The following GPR15LG variants were observed in gnomAD, a reference collection of about 807,000 sequenced individuals.
GPR15LG encodes the protein G protein-coupled receptor 15 ligand.
the GPR15LG span, among the ~76,000 whole-genome samples, chr10:84,183,990 A>T: frequency 2.6e-5 from 4 of 152,084 alleles, no homozygotes; most frequent in Non-Finnish European, 5.9e-5. Flanking sequence ...TAGGATATTC[A>T]GATTGTTTCC....
chr10:84,178,081 G>A, the GPR15LG span, among the ~76,000 whole-genome samples: 36 of 145,608 alleles, frequency 2.5e-4, no homozygotes, highest in Admixed American at 1.4e-3. Flanking sequence ...ACACATACAC[G>A]CTACACAACT....
the GPR15LG span, among the ~76,000 whole-genome samples, chr10:84,178,342 CAT>C: frequency 2.1e-4 from 32 of 151,960 alleles, 2 homozygotes; most frequent in South Asian, 5.0e-3. Flanking sequence ...ATCATACACA[CAT>C]AGACACATGC....
chr10:84,180,282 C>T, the GPR15LG span, among the ~76,000 whole-genome samples: 1 of 152,378 alleles, frequency 6.6e-6, no homozygotes, highest in East Asian at 1.9e-4. Flanking sequence ...CTACTTCTTT[C>T]TACACAGACA....
chr10:84,180,033 C>T, the GPR15LG span, among the ~76,000 whole-genome samples: 6 of 150,820 alleles, frequency 4.0e-5, no homozygotes, highest in African/African-American at 1.2e-4. Context: ...TGCCACCTTC[C>T]GCAGTGTTTG....
chr10:84,178,283 C>T, the GPR15LG span, among the ~76,000 whole-genome samples: 3 of 151,638 alleles, frequency 2.0e-5, no homozygotes, highest in Non-Finnish European at 4.4e-5. Context: ...CACAAACAGA[C>T]ACACACTATA....
the GPR15LG span, among the ~76,000 whole-genome samples, chr10:84,179,752 T>A: frequency 6.6e-6 from 1 of 152,168 alleles, no homozygotes; most frequent in Non-Finnish European, 1.5e-5. Context: ...GGTAGGCCCA[T>A]GGGGATGACA....
At chr10:84,183,662 T>C in the GPR15LG span, among the ~76,000 whole-genome samples, 1 of 152,216 alleles carries the variant, frequency 6.6e-6, no homozygotes, top group Admixed American at 6.5e-5. Context: ...TTATTTTTTT[T>C]TTGAGACAAG....
chr10:84,173,820 CT>C, the GPR15LG span: 3 of 1,541,258 alleles, frequency 1.9e-6, no homozygotes, highest in Admixed American at 5.0e-5. Flanking sequence ...GCACAGCTCC[CT>C]TCCCAGGACG....
At chr10:84,185,163 C>T in the GPR15LG span, 3 of 874,382 alleles carry the variant, frequency 3.4e-6, no homozygotes, top group Non-Finnish European at 4.2e-6. Context: ...GTCCATTCAG[C>T]CTCCTGGCAT....
chr10:84,176,576 A>ACC, the GPR15LG span: 1 of 1,609,116 alleles, frequency 6.2e-7, no homozygotes, highest in Non-Finnish European at 8.5e-7. Flanking sequence ...AAAGGTAAGT[A>ACC]CCCCCACCTC....
At chr10:84,184,559 T>A in the GPR15LG span, 11 of 1,084,926 alleles carry the variant, frequency 1.0e-5, no homozygotes, top group East Asian at 9.5e-5. Context: ...GCTTTGAAAT[T>A]TTTTTTTAAA....
the GPR15LG span, chr10:84,176,717 TC>T: frequency 6.5e-5 from 39 of 599,910 alleles, no homozygotes; most frequent in South Asian, 7.4e-4. Context: ...ATTTGTTGAC[TC>T]CCCCCCAAAA....
chr10:84,184,793 C>G, the GPR15LG span: 1 of 1,612,934 alleles, frequency 6.2e-7, no homozygotes, highest in Non-Finnish European at 8.5e-7. Context: ...CTCCAGACAG[C>G]GGAGAACCTC....
At chr10:84,176,801 T>A in the GPR15LG span, among the ~76,000 whole-genome samples, 1 of 152,238 alleles carries the variant, frequency 6.6e-6, no homozygotes, top group African/African-American at 2.4e-5. Context: ...TAGAAGATGT[T>A]GTGTGGAAAC....
At chr10:84,184,967 C>G in the GPR15LG span, 27 of 1,421,410 alleles carry the variant, frequency 1.9e-5, no homozygotes, top group Non-Finnish European at 2.3e-5. Flanking sequence ...TCAGAGCTAT[C>G]ATGAGCCAAC....
the GPR15LG span, among the ~76,000 whole-genome samples, chr10:84,176,239 G>A: frequency 6.6e-6 from 1 of 152,204 alleles, no homozygotes; most frequent in Non-Finnish European, 1.5e-5. Context: ...TTATGTCAAA[G>A]AAACTACTTA....
At chr10:84,182,754 G>A in the GPR15LG span, among the ~76,000 whole-genome samples, 1 of 152,250 alleles carries the variant, frequency 6.6e-6, no homozygotes, top group African/African-American at 2.4e-5. Context: ...CTATCATGAT[G>A]GGAGAAACTG....
the GPR15LG span, chr10:84,176,667 T>C: frequency 1.2e-6 from 1 of 808,000 alleles, no homozygotes; most frequent in Non-Finnish European, 2.0e-6. Context: ...ATGGCTGGCA[T>C]CAGGCTCTGG....
At chr10:84,176,640 C>A in the GPR15LG span, 1 of 1,058,582 alleles carries the variant, frequency 9.4e-7, no homozygotes, top group Non-Finnish European at 1.5e-6. Flanking sequence ...GCCACACACA[C>A]TGATCAGCCC....
Sources: allele counts gnomAD v4.1 joint callset (sites outside exome capture counted in the v4.1 genomes callset), GRCh38; gene constraint gnomAD v4.1.1; transcripts MANE v1.5; gene names NCBI Gene and HGNC (gene_info 2026-07-23, HGNC 2026-07-21).